Variants in WNT2B observed in about 807,000 individuals in gnomAD.
WNT2B encodes Wnt family member 2B.
In WNT2B, 19 loss-of-function variants were observed where a neutral mutation model predicts 40.5. That is an observed-to-expected ratio of 0.47 (90% CI 0.33 to 0.69). WNT2B has a LOEUF of 0.69. Ranked by LOEUF, WNT2B falls within the 30% of genes least tolerant of loss-of-function variation. WNT2B has a pLI of 0.02. For missense variants in WNT2B, 467 were observed against 556.4 expected (o/e 0.84, Z 1.62); for synonymous variants, 220 against 211.9 (o/e 1.04, Z -0.33).
At chr1:112,471,137 T>A (rs1344386569) in intron 1 of WNT2B, among the ~76,000 whole-genome samples, 4 of 152,176 alleles carry the variant, frequency 2.6e-5, no homozygotes, top group Non-Finnish European at 4.4e-5. Context: ...CAGGATGCAG[T>A]CCAGTGGTGG....
chr1:112,501,194 C>A (rs923777033), intron 1 of WNT2B, among the ~76,000 whole-genome samples: 1 of 152,028 alleles, frequency 6.6e-6, no homozygotes, highest in Non-Finnish European at 1.5e-5. Flanking sequence ...TTGATTAGAC[C>A]GGGGTAATGG....
rs1388443087 is a variant in WNT2B at position 112,527,524 on chromosome 1, T to C, written c.*7015T>C. On this transcript the variant is annotated 3_prime_UTR_variant, in exon 5 of 5. Transcript: ENST00000369684. The stretch of plus-strand genomic sequence containing the variant: ...GGGATAAAAGTACGAGGTCATGGCT[T>C]CTTGCAAGAGGCTTTTTCTTAAACT... The C allele has an allele frequency of 6.5e-6, 1 of 152,786 alleles. No homozygotes were observed. Among genetic ancestry groups the C allele is most frequent in the Non-Finnish European group, 1.5e-5 (1 of 68,100 alleles). The allele number at this position is 152,786 out of a possible 1,614,324, so 9.5% of individuals were successfully genotyped here.
chr1:112,501,953 G>T (rs1429689460), intron 1 of WNT2B, among the ~76,000 whole-genome samples: 1 of 152,244 alleles, frequency 6.6e-6, no homozygotes, highest in African/African-American at 2.4e-5. Flanking sequence ...CCAAGAAGAC[G>T]AAGCTCAGGC....
At chr1:112,479,242 A>T (rs182350983) in intron 1 of WNT2B, among the ~76,000 whole-genome samples, 1 of 151,040 alleles carries the variant, frequency 6.6e-6, no homozygotes, top group Non-Finnish European at 1.5e-5. Flanking sequence ...AATAAATAAA[A>T]ATAAAACTAC....
At position 112,502,155 on chromosome 1, in the gene WNT2B, C is replaced by T. The variant is rs116700195; in HGVS notation, c.-94-12719C>T. 1.5e-3 allele frequency among the ~76,000 whole-genome samples: 228 copies of T among 152,330 alleles called. 1 individual carries two copies. The highest frequency in any genetic ancestry group is 7.7e-4 in the East Asian group (4 of 5,162). ...CTCGCTCTCCCGGGCTACTCCGGCG[C>T]GCAGGTGCTGCGCCCGCGGGAGAGA... is the stretch of plus-strand genomic sequence containing the variant. On this transcript the variant is annotated intron_variant, in intron 1 of 4. Transcript: ENST00000256640.
chr1:112,514,740 C>A, intron 1 of WNT2B, 134 bp from the exon 2 acceptor site: 1 of 782,808 alleles, frequency 1.3e-6, no homozygotes, highest in Non-Finnish European at 2.1e-6. Context: ...TACTCATCAG[C>A]TTTATGGAAT....
At chr1:112,496,793 T>C (rs1187168140) in intron 1 of WNT2B, among the ~76,000 whole-genome samples, 2 of 152,008 alleles carry the variant, frequency 1.3e-5, no homozygotes, top group East Asian at 3.9e-4. Flanking sequence ...AGAGACAGGG[T>C]TTCTCCATGT....
intron 1 of WNT2B, among the ~76,000 whole-genome samples, chr1:112,488,686 G>C (rs534475981): frequency 7.4e-4 from 113 of 151,902 alleles, no homozygotes; most frequent in African/African-American, 2.5e-3. Flanking sequence ...CGAGTAGCTG[G>C]GACTACAGGC....
At chr1:112,476,952 T>C (rs1175650) in intron 1 of WNT2B, among the ~76,000 whole-genome samples, 129,549 of 152,192 alleles carry the variant, frequency 0.85, 55,353 homozygotes, top group East Asian at 1. Context: ...CCCCAGATCA[T>C]AGAGCCATGG....
upstream of WNT2B, among the ~76,000 whole-genome samples, chr1:112,507,536 G>C (rs1235896745): frequency 2.0e-5 from 3 of 152,204 alleles, no homozygotes; most frequent in East Asian, 5.8e-4. Flanking sequence ...GGGGCGCTAG[G>C]ACCCGGAGGC....
rs1243860373 is a variant in WNT2B, at chr1:112,516,187, G to A, written c.451G>A (p.Val151Ile). ...FVYAISSAGV[V>I]HAITRACSQG... ...ATATGCCATCTCATCAGCAGGGGTAGTCCACGCTATTACTCGCGCCTGTAG... is the reference window on the plus strand; with the variant it reads ...ATATGCCATCTCATCAGCAGGGGTAATCCACGCTATTACTCGCGCCTGTAG... Residue 151 changes from valine (V) to isoleucine (I), a missense_variant, in exon 3 of 5, where the codon GTC becomes ATC. Around this residue, in one of 2 missense-constraint regions of WNT2B, gnomAD observed 330 missense variants for 438.6 expected, o/e 0.75. Transcript: ENST00000369684. 1 of 1,614,040 alleles carries A rather than the reference G, an allele frequency of 6.2e-7. No individual in the cohort carries two copies. Among genetic ancestry groups the A allele is most frequent in the Non-Finnish European group, 8.5e-7 (1 of 1,179,980 alleles).
At chr1:112,489,308 C>T (rs990465913) in intron 1 of WNT2B, among the ~76,000 whole-genome samples, 1 of 151,876 alleles carries the variant, frequency 6.6e-6, no homozygotes, top group Non-Finnish European at 1.5e-5. Context: ...CCTTTAATCC[C>T]AGCACTTTGG....
In WNT2B at chr1:112,478,076, A is replaced by G. The variant is rs558249803; in HGVS notation, c.-95+10485A>G. Reference sequence around the variant, plus strand: ...TAGTGAGACCTGGTCTGTACAAAAAATGTAAAAATTAGCTGGGTGTGATGG... The same window carrying G: ...TAGTGAGACCTGGTCTGTACAAAAAGTGTAAAAATTAGCTGGGTGTGATGG... On this transcript the variant is annotated intron_variant, in intron 1 of 4. Transcript: ENST00000256640. 9.2e-5 allele frequency among the ~76,000 whole-genome samples: 14 copies of G among 152,270 alleles called. No individual in the cohort carries two copies. In the South Asian group the frequency reaches 2.7e-3, roughly 29 times the overall value.
intron 1 of WNT2B, among the ~76,000 whole-genome samples, chr1:112,480,656 A>G (rs1651197168): frequency 6.6e-6 from 1 of 152,196 alleles, no homozygotes; most frequent in Admixed American, 6.5e-5. Flanking sequence ...AAGCATTTTA[A>G]AAAGAATGAA....
chr1:112,489,076 G>A (rs773161439), intron 1 of WNT2B, among the ~76,000 whole-genome samples: 6 of 152,040 alleles, frequency 3.9e-5, no homozygotes, highest in Admixed American at 6.6e-5. Flanking sequence ...AGATGTTTGC[G>A]GAGGCATTTT....
intron 1 of WNT2B, among the ~76,000 whole-genome samples, chr1:112,483,054 G>A (rs1417382086): frequency 6.6e-6 from 1 of 152,064 alleles, no homozygotes; most frequent in African/African-American, 2.4e-5. Context: ...GCCAGATACA[G>A]GGTAGTCCCA....
chr1:112,516,368 A>AGGAT lies in WNT2B; in HGVS notation c.634_637dup (p.Ala213GlyfsTer10). The AGGAT allele has an allele frequency of 6.2e-7, 1 of 1,613,996 alleles. No individual in the cohort carries two copies. Among genetic ancestry groups the AGGAT allele is most frequent in the South Asian group, 1.1e-5 (1 of 91,072 alleles). On this transcript the variant is annotated frameshift_variant, in exon 3 of 5. Transcript: ENST00000369684. LOFTEE classifies it high-confidence loss of function. ...GTGGATGCCAAGGAGAAGAGGCTTA[A>AGGAT]GGATGCCCGGGCCCTCATGAACTTA...
At chr1:112,474,773 AG>A (rs1651005324) in intron 1 of WNT2B, among the ~76,000 whole-genome samples, 2 of 152,232 alleles carry the variant, frequency 1.3e-5, no homozygotes, top group South Asian at 4.1e-4. Context: ...GTCTGGTGGG[AG>A]GTGATTGGAT....
rs1316439820 is a variant in WNT2B, at chr1:112,514,809, C to T, written c.183-65C>T. The T allele has an allele frequency of 3.3e-6, 5 of 1,528,106 alleles. No homozygotes were observed. The Admixed American group carries it at 6.7e-5, about 20-fold the overall frequency. The allele number at this position is 1,528,106 out of a possible 1,614,324, so 94.7% of individuals were successfully genotyped here. ...GGTCTGGATGCTAAACGTACCCCTT[C>T]CTTATTCCCTCCCAATGCAGAAAAA... is the stretch of plus-strand genomic sequence containing the variant. On this transcript the variant is annotated intron_variant, in intron 1 of 4. Transcript: ENST00000369684.
Sources: allele counts gnomAD v4.1 joint callset (sites outside exome capture counted in the v4.1 genomes callset), GRCh38; gene constraint gnomAD v4.1.1; regional missense constraint gnomAD v4.1.1; transcripts MANE v1.5; gene names NCBI Gene and HGNC (gene_info 2026-07-23, HGNC 2026-07-21).